Variants in THBS4 observed in about 807,000 individuals in gnomAD.
THBS4 encodes the protein thrombospondin-4.
Under a neutral mutation model 115.7 loss-of-function variants are expected in THBS4, and 90 were observed. The observed-to-expected ratio is 0.78, with a 90% CI of 0.66 to 0.93. The LOEUF is 0.93. Ranked by LOEUF, THBS4 falls within the 40% of genes least tolerant of loss-of-function variation. The pLI, the probability that THBS4 is intolerant of heterozygous loss-of-function variation, is 0.00. For missense variants in THBS4, 1,087 were observed against 1,232.7 expected, an observed-to-expected ratio of 0.88 and a Z score of 1.77; for synonymous variants, 460 against 479.3, an observed-to-expected ratio of 0.96 and a Z score of 0.53.
At position 80,055,756 on chromosome 5, in the gene THBS4, A is replaced by T; in HGVS notation, c.293-29A>T. ...CACTTCCCCCTCTGCCACTTATCAC[A>T]CCATTGGTTGACCTGTGCTTGCTTC... On this transcript the variant is annotated intron_variant, in intron 2 of 21. Coordinates refer to ENST00000350881, the MANE Select transcript of THBS4 (RefSeq NM_003248.6). 3 of 1,597,646 alleles carry T rather than the reference A, an allele frequency of 1.9e-6. No individual in the cohort carries two copies. The South Asian group carries it at 3.4e-5, about 18-fold the overall frequency.
intron 2 of THBS4, among the ~76,000 whole-genome samples, chr5:80,051,194 T>C (rs1434599848): frequency 1.3e-5 from 2 of 152,268 alleles, no homozygotes; most frequent in South Asian, 2.1e-4. Flanking sequence ...CTGGAGAAGG[T>C]GAGGAAAACT....
intron 15 of THBS4, chr5:80,075,305 TC>T (rs1297187373): frequency 6.6e-6 from 1 of 152,210 alleles, no homozygotes; most frequent in African/African-American, 2.4e-5. Flanking sequence ...CTCAACTTCT[TC>T]ATCTGCAAAG....
upstream of THBS4, among the ~76,000 whole-genome samples, chr5:80,031,843 A>T (rs913054171): frequency 3.3e-5 from 5 of 152,244 alleles, no homozygotes; most frequent in African/African-American, 1.2e-4. Context: ...AGAGCAAAGA[A>T]TTGGGGCCAT....
At chr5:80,055,336 AG>A (rs1297598895) in intron 2 of THBS4, among the ~76,000 whole-genome samples, 1 of 150,742 alleles carries the variant, frequency 6.6e-6, no homozygotes, top group Non-Finnish European at 1.5e-5. Flanking sequence ...AAAAAAAAAA[AG>A]GGAAGAAATC....
In THBS4 at chr5:80,058,760, G is replaced by C. The variant is rs1289782210; in HGVS notation, c.702G>C (p.Leu234=). The change falls in exon 5 of 22, where the codon CTG becomes CTC. Residue 234 remains leucine, a synonymous_variant. Transcript: ENST00000350881. Reference sequence around the variant, plus strand: ...AAATGACACAATTAAACCAACTCCTGGGAGAGGTGAAGGACCTTCTGAGAC... The same window carrying C: ...AAATGACACAATTAAACCAACTCCTCGGAGAGGTGAAGGACCTTCTGAGAC... ...LGQMTQLNQL[L]GEVKDLLRQQ... 3 of 1,613,910 alleles carry C rather than the reference G, an allele frequency of 1.9e-6. No individual in the cohort carries two copies. In the East Asian group the frequency reaches 6.7e-5, roughly 36 times the overall value.
chr5:79,993,775 G>A (rs1310095894), intron 1 of THBS4, among the ~76,000 whole-genome samples: 1 of 152,202 alleles, frequency 6.6e-6, no homozygotes, highest in African/African-American at 2.4e-5. Flanking sequence ...GGGTGATTAA[G>A]AATCTGGGAA....
chr5:80,082,184 CCACACACACACGGA>C, intron 20 of THBS4: 1 of 443,946 alleles, frequency 2.3e-6, no homozygotes, highest in Admixed American at 4.0e-5. Context: ...CCACCCCCCT[CCACACACACACGGA>C]CACACACGGT....
rs145266322 is a variant in THBS4, at chr5:80,039,530, G to A, written c.89-547G>A. On this transcript the variant is annotated intron_variant, in intron 1 of 21. Transcript: ENST00000350881. ...GTTGGAGAATTGTAAAGGCACAAAGGGAACACTTAGGTCTCACAAAGGTGG... is the reference window on the plus strand; with the variant it reads ...GTTGGAGAATTGTAAAGGCACAAAGAGAACACTTAGGTCTCACAAAGGTGG... Among the ~76,000 whole-genome samples the A allele has an allele frequency of 1.1e-4, 16 of 152,244 alleles. 1 individual carries two copies. In the East Asian group the frequency reaches 3.1e-3, roughly 29 times the overall value.
chr5:80,074,378 A>G (rs1038684377), intron 15 of THBS4: 1 of 152,282 alleles, frequency 6.6e-6, no homozygotes, highest in African/African-American at 2.4e-5. Context: ...AACATCACCA[A>G]AAACAGACGT....
chr5:80,043,496 G>C (rs574657542), intron 2 of THBS4, among the ~76,000 whole-genome samples: 1 of 152,264 alleles, frequency 6.6e-6, no homozygotes, highest in Non-Finnish European at 1.5e-5. Context: ...GCTGATTTGC[G>C]TGGAAAACGG....
chr5:80,052,114 G>C (rs1227646558), intron 2 of THBS4, among the ~76,000 whole-genome samples: 1 of 152,088 alleles, frequency 6.6e-6, no homozygotes, highest in Non-Finnish European at 1.5e-5. Flanking sequence ...AAAACTACAG[G>C]TATTTGCAAA....
chr5:80,002,644 A>G (rs1163349942), intron 2 of THBS4, among the ~76,000 whole-genome samples: 1 of 151,370 alleles, frequency 6.6e-6, no homozygotes, highest in Non-Finnish European at 1.5e-5. Flanking sequence ...AGCATTTCAT[A>G]TTCAAGAAGA....
intron 9 of THBS4, among the ~76,000 whole-genome samples, chr5:80,065,972 G>A (rs1422220374): frequency 1.3e-5 from 2 of 151,966 alleles, no homozygotes; most frequent in Non-Finnish European, 2.9e-5. Flanking sequence ...GCGGGTGCCT[G>A]TAGTCCCAGC....
At chr5:80,032,039 GA>G (rs767288837), upstream of THBS4, among the ~76,000 whole-genome samples, 1 of 151,240 alleles carries the variant, frequency 6.6e-6, no homozygotes, top group Admixed American at 6.6e-5. Flanking sequence ...TTGGATACTG[GA>G]AAAAAAATCA....
intron 2 of THBS4, among the ~76,000 whole-genome samples, chr5:80,026,505 A>T (rs1476455994): frequency 6.6e-6 from 1 of 152,334 alleles, no homozygotes; most frequent in East Asian, 1.9e-4. Flanking sequence ...TCTGTAAAGG[A>T]CCAGAGAGTA....
intron 2 of THBS4, among the ~76,000 whole-genome samples, chr5:80,023,981 C>T (rs1832428175): frequency 6.6e-6 from 1 of 152,034 alleles, no homozygotes; most frequent in Non-Finnish European, 1.5e-5. Context: ...CACTAGGGCC[C>T]ACCTCCCCAC....
chr5:79,999,905 A>G (rs1228135678), intron 2 of THBS4, among the ~76,000 whole-genome samples: 1 of 152,232 alleles, frequency 6.6e-6, no homozygotes, highest in East Asian at 1.9e-4. Context: ...ATTTTGAGTA[A>G]TGGAAGTGAG....
chr5:80,013,964 C>A (rs1366278978), intron 2 of THBS4, among the ~76,000 whole-genome samples: 1 of 152,104 alleles, frequency 6.6e-6, no homozygotes, highest in African/African-American at 2.4e-5. Context: ...GTAACAAAAC[C>A]CCAGAAGGAG....
chr5:80,073,865 T>G (rs775810322), intron 15 of THBS4, among the ~76,000 whole-genome samples: 21 of 152,172 alleles, frequency 1.4e-4, no homozygotes, highest in Non-Finnish European at 2.2e-4. Context: ...CTCCAGCAAG[T>G]GAGATCTATT....
Sources: gnomAD v4.1 joint callset for allele counts (sites outside exome capture counted in the v4.1 genomes callset) on GRCh38, gnomAD v4.1.1 for gene constraint, MANE v1.5 for transcripts, NCBI Gene and HGNC (gene_info 2026-07-23, HGNC 2026-07-21) for gene names.